The following WWOX variants were observed in gnomAD, a reference collection of about 807,000 sequenced individuals.
WWOX encodes the protein WW domain containing oxidoreductase.
WWOX carries 69 observed loss-of-function variants against 46.2 expected under a neutral mutation model. That is an observed-to-expected ratio of 1.49 (90% CI 1.23 to 1.82). The LOEUF (loss-of-function observed/expected upper bound fraction) is 1.82, where lower values mean the gene tolerates loss of function less well. WWOX is among the 40% of genes most tolerant of loss of function. WWOX has a pLI of 0.00. For synonymous variants in WWOX, 359 were observed against 202.6 expected, an observed-to-expected ratio of 1.77 and a Z score of -6.56; for missense variants, 919 against 542.6, an observed-to-expected ratio of 1.69 and a Z score of -6.89.
chr16:78,666,146 G>A (rs1172193090), intron 8 of WWOX, among the ~76,000 whole-genome samples: 1 of 152,100 alleles, frequency 6.6e-6, no homozygotes, highest in Non-Finnish European at 1.5e-5. Flanking sequence ...AATTAGCCGA[G>A]TGTGGTGGTG....
chr16:78,912,638 A>G (rs1421425506), intron 8 of WWOX, among the ~76,000 whole-genome samples: 1 of 152,026 alleles, frequency 6.6e-6, no homozygotes, highest in Non-Finnish European at 1.5e-5. Context: ...ATTTCTTATC[A>G]TTTAATGTCC....
In WWOX at chr16:78,845,694, C is replaced by T. The variant is rs1414956114; in HGVS notation, c.1057-365914C>T. Among the ~76,000 whole-genome samples the T allele has an allele frequency of 4.6e-5, 7 of 152,174 alleles. No individual in the cohort carries two copies. The East Asian group carries it at 7.7e-4, about 17-fold the overall frequency. ...TAATGGACAAGGTAACTAATATTTC[C>T]GGAAGAATGGCCTTCCAGACACTCA... On this transcript the variant is annotated intron_variant, in intron 8 of 8. Transcript: ENST00000566780.
chr16:78,426,303 C>G (rs1204818567), intron 7 of WWOX, among the ~76,000 whole-genome samples: 3 of 152,098 alleles, frequency 2.0e-5, no homozygotes, highest in Non-Finnish European at 4.4e-5. Flanking sequence ...ATCTGCCAGC[C>G]CCAGTCATCC....
At chr16:78,286,173 C>G (rs1178205532) in intron 5 of WWOX, among the ~76,000 whole-genome samples, 1 of 152,186 alleles carries the variant, frequency 6.6e-6, no homozygotes, top group Non-Finnish European at 1.5e-5. Context: ...AAAGCTGTTG[C>G]AATAAATACT....
At chr16:78,667,484 C>G (rs952203063) in intron 8 of WWOX, among the ~76,000 whole-genome samples, 1 of 151,782 alleles carries the variant, frequency 6.6e-6, no homozygotes, top group African/African-American at 2.4e-5. Context: ...TCCTGGTTAA[C>G]ACGGTGAAAC....
intron 8 of WWOX, among the ~76,000 whole-genome samples, chr16:79,033,456 A>T (rs1442008530): frequency 1.3e-5 from 2 of 151,716 alleles, no homozygotes; most frequent in Non-Finnish European, 2.9e-5. Context: ...CTTTATCCAG[A>T]ATAAACTATT....
At chr16:78,530,374 G>T (rs1227391214) in intron 8 of WWOX, among the ~76,000 whole-genome samples, 3 of 152,154 alleles carry the variant, frequency 2.0e-5, no homozygotes, top group Non-Finnish European at 4.4e-5. Flanking sequence ...AGATGTGGGG[G>T]ATTTTATTGC....
At chr16:78,606,983 C>G (rs1349614466) in intron 8 of WWOX, among the ~76,000 whole-genome samples, 3 of 152,166 alleles carry the variant, frequency 2.0e-5, no homozygotes, top group Admixed American at 2.0e-4. Context: ...AATGGGCAGA[C>G]TCTGTTTTTG....
chr16:78,733,281 C>G (rs2049008038), intron 8 of WWOX, among the ~76,000 whole-genome samples: 1 of 151,970 alleles, frequency 6.6e-6, no homozygotes, highest in South Asian at 2.1e-4. Context: ...ATAGGGAGAT[C>G]ACTGTTTCTA....
intron 8 of WWOX, among the ~76,000 whole-genome samples, chr16:78,908,932 C>A (rs1419698467): frequency 1.3e-5 from 2 of 152,186 alleles, no homozygotes; most frequent in Non-Finnish European, 2.9e-5. Context: ...CAGCATGACT[C>A]CTAAACCCTA....
chr16:79,201,941 C>T (rs917291630), intron 8 of WWOX, among the ~76,000 whole-genome samples: 1 of 152,168 alleles, frequency 6.6e-6, no homozygotes, highest in Non-Finnish European at 1.5e-5. Flanking sequence ...TTCCATGATC[C>T]ATCAAACACA....
intron 8 of WWOX, among the ~76,000 whole-genome samples, chr16:78,807,056 G>C (rs1184964303): frequency 6.6e-6 from 1 of 152,170 alleles, no homozygotes; most frequent in African/African-American, 2.4e-5. Flanking sequence ...AATAAAATCT[G>C]TAATTTGTGC....
At chr16:78,970,212 C>T (rs370530387) in intron 8 of WWOX, among the ~76,000 whole-genome samples, 2 of 152,156 alleles carry the variant, frequency 1.3e-5, no homozygotes, top group East Asian at 3.9e-4. Flanking sequence ...AAGCCATTAG[C>T]TCTTTTGATA....
chr16:78,318,008 G>T (rs566996083), intron 5 of WWOX, among the ~76,000 whole-genome samples: 1 of 152,178 alleles, frequency 6.6e-6, no homozygotes, highest in East Asian at 1.9e-4. Context: ...AGGTTCCACA[G>T]TATTTGGACC....
At chr16:78,969,018 C>T (rs192405158) in intron 8 of WWOX, among the ~76,000 whole-genome samples, 268 of 152,224 alleles carry the variant, frequency 1.8e-3, no homozygotes, top group Non-Finnish European at 2.4e-3. Context: ...GCCTGGAACC[C>T]GGGGAGTGGC....
intron 8 of WWOX, among the ~76,000 whole-genome samples, chr16:78,726,238 T>C (rs1020169356): frequency 6.6e-6 from 1 of 151,390 alleles, no homozygotes; most frequent in Non-Finnish European, 1.5e-5. Context: ...TTTTCTTCTT[T>C]TTTTTGGAAA....
Position 78,115,160 on chromosome 16 carries a change from C to G in WWOX, c.409+6C>G, listed in dbSNP as rs780224603. ...TGGAGCTAATTCAGGAATAGGTAGGCTCTTCACTTAGTTATTTATCTTTGG... is the reference window on the plus strand; with the variant it reads ...TGGAGCTAATTCAGGAATAGGTAGGGTCTTCACTTAGTTATTTATCTTTGG... On this transcript the variant is annotated splice_donor_region_variant and intron_variant, in intron 4 of 8. Coordinates refer to ENST00000566780, the MANE Select transcript of WWOX (RefSeq NM_016373.4). 1.9e-6 allele frequency: 3 copies of G among 1,614,044 alleles called. No individual in the cohort carries two copies. The highest frequency in any genetic ancestry group is 1.3e-5 in the African/African-American group (1 of 74,930).
intron 8 of WWOX, among the ~76,000 whole-genome samples, chr16:79,088,594 G>C (rs889806460): frequency 6.6e-6 from 1 of 152,152 alleles, no homozygotes; most frequent in African/African-American, 2.4e-5. Flanking sequence ...AACTAAAAGA[G>C]GTTTTCTAGA....
chr16:79,182,828 A>C (rs2050938896), intron 8 of WWOX, among the ~76,000 whole-genome samples: 1 of 152,178 alleles, frequency 6.6e-6, no homozygotes, highest in Admixed American at 6.5e-5. Context: ...TGTGTTACAG[A>C]AATATATGTG....
Sources: allele counts gnomAD v4.1 joint callset (sites outside exome capture counted in the v4.1 genomes callset), GRCh38; gene constraint gnomAD v4.1.1; transcripts MANE v1.5; gene names NCBI Gene and HGNC (gene_info 2026-07-23, HGNC 2026-07-21).